Variants in FANCC observed in about 807,000 individuals in gnomAD.
FANCC encodes the protein FA complementation group C, also known as Fanconi anemia group C protein.
Under a neutral mutation model 71.3 loss-of-function variants are expected in FANCC, and 55 were observed. The observed-to-expected ratio is 0.77, with a 90% CI of 0.62 to 0.97. The LOEUF is 0.97. Among genes scored for constraint, FANCC ranks in the 50% least tolerant of loss-of-function variants. The pLI, the probability that FANCC is intolerant of heterozygous loss-of-function variation, is 0.00. For missense variants in FANCC, 678 were observed against 670.9 expected (o/e 1.01, Z -0.12); for synonymous variants, 275 against 244.9 (o/e 1.12, Z -1.15).
chr9:95,161,829 CTTCTT>C (rs199968518), intron 6 of FANCC, among the ~76,000 whole-genome samples: 30,504 of 137,516 alleles, frequency 0.22, 3,744 homozygotes, highest in Non-Finnish European at 0.32. Context: ...CTACTTTCTG[CTTCTT>C]TTCTTTTCTT....
At chr9:95,171,049 GAGA>G (rs770471367) in intron 6 of FANCC, 27 bp downstream of exon 6, 7 of 1,573,790 alleles carry the variant, frequency 4.4e-6, no homozygotes, top group Middle Eastern at 3.4e-4. Context: ...TTTGAAACCT[GAGA>G]AGAAGGATGT....
At chr9:95,114,444 A>C (rs986692590) in intron 12 of FANCC, 185 bp downstream of exon 12, 2 of 695,346 alleles carry the variant, frequency 2.9e-6, no homozygotes, top group Non-Finnish European at 5.3e-6. Context: ...ATTCATCCTG[A>C]CCTGCTCCAA....
chr9:95,316,840 T>C (rs1277025917), intron 1 of FANCC: 1 of 152,072 alleles, frequency 6.6e-6, no homozygotes, highest in African/African-American at 2.4e-5. Flanking sequence ...ACCTGAAAAA[T>C]CTCTCACGGG....
Position 95,116,109 on chromosome 9 carries a change from G to T in FANCC, c.1072+1206C>A, listed in dbSNP as rs183808632. On this transcript the variant is annotated intron_variant, in intron 11 of 14. Coordinates refer to ENST00000289081, the MANE Select transcript of FANCC (RefSeq NM_000136.3). ...CAAGTTACACAAACGGAAAGGTAAA[G>T]GGTTGGGCCCATGCCCATGCACCAC... Among the ~76,000 whole-genome samples the T allele has an allele frequency of 5.3e-5, 8 of 152,368 alleles. No individual in the cohort carries two copies. The East Asian group carries it at 1.5e-3, about 29-fold the overall frequency.
At chr9:95,281,436 C>A (rs2136268080) in intron 1 of FANCC, among the ~76,000 whole-genome samples, 1 of 152,038 alleles carries the variant, frequency 6.6e-6, no homozygotes, top group East Asian at 1.9e-4. Flanking sequence ...TTACACCTAC[C>A]AAAGCTGTAC....
At chr9:95,170,627 T>C (rs16911988) in intron 6 of FANCC, among the ~76,000 whole-genome samples, 2,015 of 138,098 alleles carry the variant, frequency 0.015, 41 homozygotes, top group African/African-American at 0.05. Flanking sequence ...AAATGTTGCC[T>C]TGTAAATATC....
At chr9:95,316,031 G>C (rs575904438) in intron 1 of FANCC, among the ~76,000 whole-genome samples, 27 of 152,158 alleles carry the variant, frequency 1.8e-4, no homozygotes, top group Non-Finnish European at 3.2e-4. Context: ...TACCAATATA[G>C]AGCCTGCTTT....
At chr9:95,292,608 C>T (rs1370811868) in intron 1 of FANCC, 4 of 1,459,620 alleles carry the variant, frequency 2.7e-6, no homozygotes, top group Non-Finnish European at 2.9e-6. Context: ...GCGCGGCTGC[C>T]GCAAGATCCT....
At position 95,150,018 on chromosome 9, in the gene FANCC, G is replaced by A. The variant is rs1457631500; in HGVS notation, c.591C>T (p.Asp197=). 2 of 1,614,076 alleles carry A rather than the reference G, an allele frequency of 1.2e-6. No individual in the cohort carries two copies. Among genetic ancestry groups the A allele is most frequent in the Non-Finnish European group, 1.7e-6 (2 of 1,179,994 alleles). ...AGATGAGGAGAGCCTCCACCAGGGG[G>A]TCAACATCTGTCAGGGTAATAAGTG... ...CVPLITLTDV[D]PLVEALLICH... Residue 197 remains aspartate (D), a synonymous_variant, in exon 7 of 15, where the codon GAC becomes GAT. Coordinates refer to ENST00000289081, the MANE Select transcript of FANCC (RefSeq NM_000136.3).
At chr9:95,272,325 C>T (rs1235697357) in intron 1 of FANCC, among the ~76,000 whole-genome samples, 3 of 152,038 alleles carry the variant, frequency 2.0e-5, no homozygotes, top group Non-Finnish European at 4.4e-5. Flanking sequence ...GGATTATTTA[C>T]TAATAAAAAG....
intron 4 of FANCC, among the ~76,000 whole-genome samples, chr9:95,183,142 C>T (rs1826483041): frequency 6.6e-6 from 1 of 152,170 alleles, no homozygotes; most frequent in African/African-American, 2.4e-5. Flanking sequence ...CCTCCCCGCC[C>T]CCATCTCTAG....
intron 4 of FANCC, among the ~76,000 whole-genome samples, chr9:95,177,619 C>T (rs970805270): frequency 6.6e-6 from 1 of 152,116 alleles, no homozygotes; most frequent in East Asian, 1.9e-4. Context: ...AAAATATCTT[C>T]TTTCACTATA....
At chr9:95,115,443 G>A (rs1239162825) in intron 11 of FANCC, among the ~76,000 whole-genome samples, 1 of 152,296 alleles carries the variant, frequency 6.6e-6, no homozygotes, top group African/African-American at 2.4e-5. Context: ...TAGACTGCCT[G>A]ACTGCTTTCC....
chr9:95,283,973 G>C (rs1178909493), intron 1 of FANCC, among the ~76,000 whole-genome samples: 1 of 152,226 alleles, frequency 6.6e-6, no homozygotes, highest in Non-Finnish European at 1.5e-5. Flanking sequence ...GAAAAACCTA[G>C]TAGGGTTGCT....
chr9:95,312,703 TAAG>T (rs2136428351), intron 1 of FANCC, among the ~76,000 whole-genome samples: 1 of 152,324 alleles, frequency 6.6e-6, no homozygotes, highest in African/African-American at 2.4e-5. Flanking sequence ...TGCTGGCTAG[TAAG>T]AAGTACAGAG....
At chr9:95,244,831 T>G (rs769065821) in intron 3 of FANCC, among the ~76,000 whole-genome samples, 2 of 151,498 alleles carry the variant, frequency 1.3e-5, no homozygotes, top group Non-Finnish European at 2.9e-5. Flanking sequence ...GGACAGAACA[T>G]TACAGAAGGT....
chr9:95,292,571 C>T lies in FANCC; in HGVS notation c.-79+24955G>A. Reference sequence around the variant, plus strand: ...AGTAGGTGAGCGAGCTGTCCCAGACCACATGGCCCAACATCCTGTGCACCG... The same window carrying T: ...AGTAGGTGAGCGAGCTGTCCCAGACTACATGGCCCAACATCCTGTGCACCG... On this transcript the variant is annotated intron_variant, in intron 1 of 14. Coordinates refer to ENST00000289081, the MANE Select transcript of FANCC (RefSeq NM_000136.3). 11 of 1,472,662 alleles carry T rather than the reference C, an allele frequency of 7.5e-6. No homozygotes were observed. In the South Asian group the frequency reaches 1.3e-4, roughly 17 times the overall value. The allele number at this position is 1,472,662 out of a possible 1,614,324, so 91.2% of individuals were successfully genotyped here.
chr9:95,224,710 G>A (rs554048403), intron 4 of FANCC, among the ~76,000 whole-genome samples: 22 of 151,942 alleles, frequency 1.4e-4, no homozygotes, highest in African/African-American at 4.8e-4. Flanking sequence ...TATAGTATTT[G>A]TTATTTTTTT....
intron 1 of FANCC, among the ~76,000 whole-genome samples, chr9:95,292,174 CA>C (rs1834061963): frequency 6.7e-6 from 1 of 149,230 alleles, no homozygotes; most frequent in South Asian, 2.1e-4. Context: ...TGATTTTTGA[CA>C]AAGGCGCCAA....
Sources: allele counts gnomAD v4.1 joint callset (sites outside exome capture counted in the v4.1 genomes callset), GRCh38; gene constraint gnomAD v4.1.1; transcripts MANE v1.5; gene names NCBI Gene and HGNC (gene_info 2026-07-23, HGNC 2026-07-21).